The following MTUS2 variants were observed in gnomAD, a reference collection of about 807,000 sequenced individuals.
The protein encoded by MTUS2 is microtubule associated scaffold protein 2.
MTUS2 carries 40 observed loss-of-function variants against 114.1 expected under a neutral mutation model. That is an observed-to-expected ratio of 0.35 (90% confidence interval 0.27 to 0.46). The LOEUF (loss-of-function observed/expected upper bound fraction) is 0.46, where lower values mean the gene tolerates loss of function less well. MTUS2 is among the 20% of genes least tolerant of loss of function. MTUS2 has a pLI of 1.00. For synonymous variants in MTUS2, 688 were observed against 672.0 expected, an observed-to-expected ratio of 1.02 and a Z score of -0.37; for missense variants, 1,679 against 1,705.4, an observed-to-expected ratio of 0.98 and a Z score of 0.27.
intron 4 of MTUS2, among the ~76,000 whole-genome samples, chr13:29,044,183 A>G (rs573460132): frequency 1.3e-5 from 2 of 151,910 alleles, no homozygotes; most frequent in Non-Finnish European, 2.9e-5. Context: ...TTGTTCACCT[A>G]TACTTTTGAT....
intron 2 of MTUS2, among the ~76,000 whole-genome samples, chr13:28,880,438 A>G (rs1239580062): frequency 1.3e-5 from 2 of 152,258 alleles, no homozygotes; most frequent in Non-Finnish European, 2.9e-5. Context: ...GTGGAAAAGG[A>G]AAGTCCAGGA....
chr13:29,163,763 C>T (rs1440073708), intron 5 of MTUS2, among the ~76,000 whole-genome samples: 1 of 152,164 alleles, frequency 6.6e-6, no homozygotes, highest in Non-Finnish European at 1.5e-5. Context: ...CCAGGGCTCT[C>T]TCATCCATCC....
chr13:28,967,865 TC>T (rs1467562720), intron 2 of MTUS2, among the ~76,000 whole-genome samples: 1 of 152,212 alleles, frequency 6.6e-6, no homozygotes, highest in East Asian at 1.9e-4. Flanking sequence ...TGGCTGTAGT[TC>T]CTGTGTGTTA....
intron 8 of MTUS2, among the ~76,000 whole-genome samples, chr13:29,391,182 C>T (rs964688600): frequency 1.2e-4 from 18 of 152,090 alleles, no homozygotes; most frequent in East Asian, 7.7e-4. Context: ...TTCCATGTCC[C>T]GGGTTCAAGT....
chr13:28,960,429 A>G (rs1860785164), intron 2 of MTUS2, among the ~76,000 whole-genome samples: 1 of 151,688 alleles, frequency 6.6e-6, no homozygotes, highest in Non-Finnish European at 1.5e-5. Flanking sequence ...ATTTGTACAC[A>G]GATGTTCATA....
intron 5 of MTUS2, among the ~76,000 whole-genome samples, chr13:29,267,579 C>T (rs1724248691): frequency 1.3e-5 from 2 of 152,160 alleles, no homozygotes; most frequent in Admixed American, 6.5e-5. Context: ...AATAAGTAAA[C>T]ATGTAGAGTT....
chr13:29,502,230 G>C (rs1365724244), intron 15 of MTUS2, among the ~76,000 whole-genome samples: 1 of 152,212 alleles, frequency 6.6e-6, no homozygotes, highest in Non-Finnish European at 1.5e-5. Flanking sequence ...GATTTTTCTG[G>C]ACTTCAGTCT....
chr13:29,269,301 T>G (rs573258621), intron 5 of MTUS2, among the ~76,000 whole-genome samples: 1 of 152,322 alleles, frequency 6.6e-6, no homozygotes, highest in South Asian at 2.1e-4. Flanking sequence ...CCATCATTGC[T>G]CTTTCCTAAA....
intron 5 of MTUS2, among the ~76,000 whole-genome samples, chr13:29,135,602 G>A (rs1039653436): frequency 6.6e-6 from 1 of 151,820 alleles, no homozygotes; most frequent in South Asian, 2.1e-4. Context: ...TAGGATTTCT[G>A]TCCTTCACTT....
chr13:28,901,242 C>A (rs1027866053), intron 2 of MTUS2, among the ~76,000 whole-genome samples: 1 of 151,956 alleles, frequency 6.6e-6, no homozygotes. Context: ...TTTGAGAGTT[C>A]TTTATATATT....
At chr13:28,907,248 G>A (rs1880090164) in intron 2 of MTUS2, among the ~76,000 whole-genome samples, 1 of 151,544 alleles carries the variant, frequency 6.6e-6, no homozygotes, top group African/African-American at 2.4e-5. Context: ...AGCTCCTGAA[G>A]GAAGCAGTAA....
Position 28,847,138 on chromosome 13 carries a change from G to A in MTUS2, c.-243+7288G>A, listed in dbSNP as rs555116810. ...GAGCCAGTGTGCTGTATTGTATTTA[G>A]GATGGCAAGAGAAGCCTGCCAGAAA... On this transcript the variant is annotated intron_variant, in intron 2 of 15. Coordinates refer to ENST00000612955, the MANE Select transcript of MTUS2 (RefSeq NM_001033602.4). Among the ~76,000 whole-genome samples the A allele has an allele frequency of 4.6e-5, 7 of 152,274 alleles. No homozygotes were observed. In the East Asian group the frequency reaches 1.3e-3, roughly 29 times the overall value.
intron 2 of MTUS2, among the ~76,000 whole-genome samples, chr13:28,881,921 A>G (rs1036952492): frequency 1.3e-5 from 2 of 152,230 alleles, no homozygotes; most frequent in African/African-American, 4.8e-5. Flanking sequence ...TTTATGGCCA[A>G]TTGGTTTTTG....
chr13:29,187,658 C>T (rs891816291), intron 5 of MTUS2, among the ~76,000 whole-genome samples: 2 of 152,076 alleles, frequency 1.3e-5, no homozygotes, highest in African/African-American at 4.8e-5. Flanking sequence ...CTTTATTTGT[C>T]ATTTATCATT....
At chr13:29,028,915 A>G (rs1357206327) in intron 3 of MTUS2, among the ~76,000 whole-genome samples, 1 of 152,164 alleles carries the variant, frequency 6.6e-6, no homozygotes, top group African/African-American at 2.4e-5. Flanking sequence ...TAGAGATAGG[A>G]TGATTGAGTC....
chr13:29,220,873 A>G (rs151195500), intron 5 of MTUS2, among the ~76,000 whole-genome samples: 48 of 152,364 alleles, frequency 3.2e-4, no homozygotes, highest in African/African-American at 1.1e-3. Flanking sequence ...ACAATGTGAT[A>G]TCTGCAAAAC....
intron 7 of MTUS2, among the ~76,000 whole-genome samples, chr13:29,327,100 C>T (rs545478024): frequency 3.9e-4 from 59 of 152,056 alleles, no homozygotes; most frequent in African/African-American, 1.3e-3. Flanking sequence ...AGCTTTAGAT[C>T]GTTTCCAAAG....
chr13:29,059,022 A>C (rs1481956873), intron 4 of MTUS2, among the ~76,000 whole-genome samples: 1 of 152,014 alleles, frequency 6.6e-6, no homozygotes, highest in African/African-American at 2.4e-5. Flanking sequence ...AAATCTTGAC[A>C]ATCTTCGTTC....
chr13:29,253,373 C>T (rs1897191448), intron 5 of MTUS2, among the ~76,000 whole-genome samples: 1 of 151,730 alleles, frequency 6.6e-6, no homozygotes, highest in Admixed American at 6.6e-5. Flanking sequence ...TTTCAGTGAG[C>T]CAAGATCATG....
Sources: allele counts gnomAD v4.1 joint callset (sites outside exome capture counted in the v4.1 genomes callset), GRCh38; gene constraint gnomAD v4.1.1; transcripts MANE v1.5; gene names NCBI Gene and HGNC (gene_info 2026-07-23, HGNC 2026-07-21).